RTTN: variants seen among roughly 807,000 people sequenced by gnomAD.
RTTN encodes rotatin.
A neutral mutation model predicts 269.2 loss-of-function variants in RTTN; 182 were observed. The ratio of observed to expected loss-of-function variants is 0.68; its 90% CI spans 0.60 to 0.76. The LOEUF is 0.76. Among genes scored for constraint, RTTN ranks in the 30% least tolerant of loss-of-function variants. The pLI is 0.00. For missense variants in RTTN, 2,545 were observed against 2,608.6 expected (o/e 0.98, Z 0.53); for synonymous variants, 1,006 against 963.5 (o/e 1.04, Z -0.82).
intron 4 of RTTN, among the ~76,000 whole-genome samples, chr18:70,199,984 C>A (rs567941530): frequency 6.6e-6 from 1 of 152,222 alleles, no homozygotes; most frequent in Admixed American, 6.5e-5. Context: ...GACTTGAAGA[C>A]CGTAAGGTCA....
At chr18:70,108,616 T>TA (rs1212502604) in intron 28 of RTTN, among the ~76,000 whole-genome samples, 9 of 152,098 alleles carry the variant, frequency 5.9e-5, no homozygotes, top group Non-Finnish European at 1.2e-4. Context: ...TTCAGAATTC[T>TA]AAAAAATTGA....
At chr18:70,176,653 T>C (rs1022725362) in intron 11 of RTTN, 22 bp downstream of exon 11, 1 of 1,603,576 alleles carries the variant, frequency 6.2e-7, no homozygotes. Context: ...AAAGTACAAA[T>C]GAGCAGCATT....
intron 10 of RTTN, among the ~76,000 whole-genome samples, chr18:70,182,495 G>C (rs1172529958): frequency 6.6e-6 from 1 of 152,072 alleles, no homozygotes; most frequent in African/African-American, 2.4e-5. Flanking sequence ...CAAAAGGGAA[G>C]GGAGGAAGGG....
At chr18:70,040,760 A>G (rs1228311213) in intron 40 of RTTN, among the ~76,000 whole-genome samples, 1 of 152,240 alleles carries the variant, frequency 6.6e-6, no homozygotes, top group East Asian at 1.9e-4. Flanking sequence ...AAGAAATTGA[A>G]ATAATATCAA....
At chr18:70,104,878 C>T (rs1161503170) in intron 28 of RTTN, among the ~76,000 whole-genome samples, 1 of 152,160 alleles carries the variant, frequency 6.6e-6, no homozygotes, top group Non-Finnish European at 1.5e-5. Context: ...AAGAGGGGCA[C>T]CCGGCTGTAT....
chr18:70,191,414 T>G (rs1191167834), intron 8 of RTTN, among the ~76,000 whole-genome samples: 1 of 152,176 alleles, frequency 6.6e-6, no homozygotes, highest in African/African-American at 2.4e-5. Context: ...GTTTCCTAGA[T>G]TTTCTGAGTT....
At position 70,087,997 on chromosome 18, in the gene RTTN, G is replaced by A. The variant is rs772829307; in HGVS notation, c.4294C>T (p.Arg1432Cys). Reference sequence around the variant, plus strand: ...AGAAAAGACAGACATACCTCCCGGCGCACCATACTACATTCTGACTGGTCC... The same window carrying A: ...AGAAAAGACAGACATACCTCCCGGCACACCATACTACATTCTGACTGGTCC... ...LLDQSECSMV[R>C]REAAFILQNL... Residue 1432 changes from arginine (R) to cysteine (C), a missense_variant, in exon 31 of 49, where the codon CGC (arginine) becomes TGC (cysteine). Coordinates refer to ENST00000640769, the MANE Select transcript of RTTN (RefSeq NM_173630.4). The A allele has an allele frequency of 2.1e-5, 34 of 1,611,334 alleles. No homozygotes were observed. The highest frequency in any genetic ancestry group is 1.3e-4 in the Admixed American group (8 of 59,348).
intron 27 of RTTN, among the ~76,000 whole-genome samples, chr18:70,112,195 A>G (rs944152308): frequency 6.6e-6 from 1 of 152,244 alleles, no homozygotes; most frequent in East Asian, 1.9e-4. Context: ...CAGCCACTGC[A>G]AAAGCATACC....
Position 70,190,663 on chromosome 18 carries a change from T to G in RTTN, c.1064A>C (p.Asp355Ala). ...CTCTGGCAGATCTATGTGTCCCATA[T>G]CCAAAGGTGAATGAACGGATATCCT... ...NSRISVHSPL[D>A]MGHIDLPELE... Residue 355 changes from aspartate to alanine, a missense_variant, in exon 9 of 49, where the codon GAT becomes GCT. Transcript: ENST00000640769. 2 of 1,613,544 alleles carry G rather than the reference T, an allele frequency of 1.2e-6. No individual in the cohort carries two copies. Among genetic ancestry groups the G allele is most frequent in the Non-Finnish European group, 1.7e-6 (2 of 1,179,492 alleles).
chr18:70,190,675 T>G lies in RTTN; in HGVS notation c.1052A>C (p.His351Pro). 1 of 1,613,216 alleles carries G rather than the reference T, an allele frequency of 6.2e-7. No homozygotes were observed. The highest frequency in any genetic ancestry group is 1.1e-5 in the South Asian group (1 of 91,004). Residue 351 changes from histidine to proline, a missense_variant, in exon 9 of 49, where the codon CAT (histidine) becomes CCT (proline). Physicochemically the swap from His to Pro is moderately conservative, Grantham distance 77. Transcript: ENST00000640769. The stretch of plus-strand genomic sequence containing the variant: ...TATGTGTCCCATATCCAAAGGTGAA[T>G]GAACGGATATCCTGGAGTTTACATG... Reference protein sequence around the residue: ...HAHVNSRISVHSPLDMGHIDL... With the variant: ...HAHVNSRISVPSPLDMGHIDL...
intron 43 of RTTN, among the ~76,000 whole-genome samples, 168 bp downstream of exon 43, chr18:70,028,556 A>T (rs1316830908): frequency 3.3e-5 from 5 of 152,344 alleles, no homozygotes; most frequent in African/African-American, 1.2e-4. Context: ...TAATGATTAG[A>T]TACACACATT....
chr18:70,154,895 CA>C (rs1156889074), intron 14 of RTTN, among the ~76,000 whole-genome samples: 2 of 152,172 alleles, frequency 1.3e-5, no homozygotes, highest in Non-Finnish European at 1.5e-5. Context: ...GCTCTTCATG[CA>C]GCCCAAAAAT....
chr18:70,137,150 A>C (rs2060144132), intron 21 of RTTN, among the ~76,000 whole-genome samples: 1 of 152,182 alleles, frequency 6.6e-6, no homozygotes, highest in Non-Finnish European at 1.5e-5. Context: ...ATATTGCCTG[A>C]ATTTTTACAA....
At chr18:70,124,174 T>G (rs937457968) in intron 25 of RTTN, among the ~76,000 whole-genome samples, 1 of 152,038 alleles carries the variant, frequency 6.6e-6, no homozygotes, top group African/African-American at 2.4e-5. Flanking sequence ...ACATTATTTA[T>G]TCTGTGAGTT....
chr18:70,067,315 A>G (rs987880484), intron 34 of RTTN, among the ~76,000 whole-genome samples: 1 of 151,850 alleles, frequency 6.6e-6, no homozygotes, highest in Non-Finnish European at 1.5e-5. Flanking sequence ...GCCCGCCACC[A>G]CGCCCGGCTA....
intron 34 of RTTN, among the ~76,000 whole-genome samples, chr18:70,069,229 T>G (rs2058231171): frequency 6.6e-6 from 1 of 152,168 alleles, no homozygotes; most frequent in African/African-American, 2.4e-5. Context: ...GGTTGACTCT[T>G]AGGTGACAGA....
rs778915157 is a variant in RTTN at position 70,135,244 on chromosome 18, G to T, written c.2825C>A (p.Thr942Asn). The change falls in exon 22 of 49, where the codon ACT (threonine) becomes AAT (asparagine). Residue 942 changes from threonine to asparagine, a missense_variant. Thr to Asn is a moderately conservative substitution (Grantham distance 65). Transcript: ENST00000640769. ...LIFHEDCSVV[T>N]EVGALFCLLL... ...AAGACAAAATAGTGCTCCAACTTCA[G>T]TCACGACACTACAATCTTCATGAAA... The T allele has an allele frequency of 6.5e-7, 1 of 1,544,588 alleles. No homozygotes were observed. Among genetic ancestry groups the T allele is most frequent in the Non-Finnish European group, 8.7e-7 (1 of 1,153,876 alleles).
chr18:70,201,849 T>C (rs1225903531), intron 4 of RTTN, 45 bp downstream of exon 4: 1 of 1,218,470 alleles, frequency 8.2e-7, no homozygotes, highest in Non-Finnish European at 1.2e-6. Context: ...ACATTAATTT[T>C]CAACTTCCCA....
At position 70,065,865 on chromosome 18, in the gene RTTN, G is replaced by A; in HGVS notation, c.4711C>T (p.Leu1571=). The change falls in exon 35 of 49, where the codon CTA becomes TTA. Residue 1571 remains leucine, a synonymous_variant. Coordinates refer to ENST00000640769, the MANE Select transcript of RTTN (RefSeq NM_173630.4). The part of the protein sequence containing the change: ...FQPLVQSTTL[L]PEASHDQFVA... Reference sequence around the variant, plus strand: ...AACTGGTCATGGGAGGCTTCAGGTAGAAGTGTTGTTGACTGCACAAGTGGC... The same window carrying A: ...AACTGGTCATGGGAGGCTTCAGGTAAAAGTGTTGTTGACTGCACAAGTGGC... 3.7e-6 allele frequency: 6 copies of A among 1,601,596 alleles called. No individual in the cohort carries two copies. The highest frequency in any genetic ancestry group is 5.1e-6 in the Non-Finnish European group (6 of 1,172,826).
Sources: allele counts gnomAD v4.1 joint callset (sites outside exome capture counted in the v4.1 genomes callset), GRCh38; gene constraint gnomAD v4.1.1; transcripts MANE v1.5; gene names NCBI Gene and HGNC (gene_info 2026-07-23, HGNC 2026-07-21).